Variants in INSL6 observed in about 807,000 individuals in gnomAD.
The protein encoded by INSL6 is insulin-like peptide INSL6.
INSL6 carries 16 observed loss-of-function variants against 9.4 expected under a neutral mutation model. That is an observed-to-expected ratio of 1.70 (90% CI 1.15 to 2.59). The LOEUF is 2.59. Among genes scored for constraint, INSL6 ranks in the 30% most tolerant of loss-of-function variants. INSL6 has a pLI of 0.00. For missense variants in INSL6, 391 were observed against 257.3 expected (o/e 1.52, Z -3.56); for synonymous variants, 154 against 96.9 (o/e 1.59, Z -3.46).
chr9:5,025,129 T>G, the INSL6 span, among the ~76,000 whole-genome samples: 2 of 152,178 alleles, frequency 1.3e-5, no homozygotes, highest in Admixed American at 1.3e-4. Context: ...ATTCTGACAG[T>G]TTTTACTCAT....
chr9:5,054,934 A>C, the INSL6 span: 18 of 1,309,796 alleles, frequency 1.4e-5, no homozygotes, highest in African/African-American at 2.7e-4. This position sits in a 1 kb window ranked among gnomAD's most constrained non-coding sequence, Gnocchi z 4.9. Context: ...AGTACAATGG[A>C]AATAAAAACA....
At chr9:5,146,863 G>A (rs1280175617) in intron 2 of INSL6, among the ~76,000 whole-genome samples, 1 of 152,160 alleles carries the variant, frequency 6.6e-6, no homozygotes, top group African/African-American at 2.4e-5. Context: ...AGTCAGGCAT[G>A]GTCCACTGGT....
chr9:5,103,490 C>A, the INSL6 span, among the ~76,000 whole-genome samples: 3 of 152,202 alleles, frequency 2.0e-5, no homozygotes, highest in East Asian at 5.8e-4. Context: ...TAACACCTCT[C>A]TGTCAATAAT....
At chr9:5,067,649 CA>C in the INSL6 span, among the ~76,000 whole-genome samples, 2 of 151,084 alleles carry the variant, frequency 1.3e-5, no homozygotes, top group South Asian at 4.2e-4. Flanking sequence ...AGTATGAATT[CA>C]AAAAAATATA....
At chr9:5,054,558 C>T in the INSL6 span, 20 of 1,537,950 alleles carry the variant, frequency 1.3e-5, no homozygotes, top group South Asian at 5.0e-5. The surrounding 1 kb of genome is among the most constrained non-coding windows in gnomAD (Gnocchi z 4.9). Flanking sequence ...CTTTTTTATC[C>T]CTAGCTACAA....
At chr9:5,151,164 A>C (rs1171264595) in intron 2 of INSL6, among the ~76,000 whole-genome samples, 1 of 152,178 alleles carries the variant, frequency 6.6e-6, no homozygotes, top group Non-Finnish European at 1.5e-5. Context: ...GTGATACCAA[A>C]GGCCCAGACT....
the INSL6 span, among the ~76,000 whole-genome samples, chr9:5,074,536 C>G: frequency 5.3e-5 from 8 of 152,062 alleles, no homozygotes; most frequent in Non-Finnish European, 1.0e-4. Flanking sequence ...TGGGGTGTCC[C>G]AAACAGAGAG....
the INSL6 span, among the ~76,000 whole-genome samples, chr9:5,021,626 T>G: frequency 6.6e-6 from 1 of 152,144 alleles, no homozygotes; most frequent in Admixed American, 6.5e-5. Context: ...TAACTTTATT[T>G]ATTTATGTAT....
At chr9:5,057,340 A>C in the INSL6 span, among the ~76,000 whole-genome samples, 1 of 151,914 alleles carries the variant, frequency 6.6e-6, no homozygotes, top group Non-Finnish European at 1.5e-5. Context: ...TTTTGTTTTT[A>C]CTGTCATTTT....
chr9:5,041,141 C>A, the INSL6 span: 1 of 1,053,116 alleles, frequency 9.5e-7, no homozygotes, highest in Non-Finnish European at 1.4e-6. Flanking sequence ...GATCGCCATC[C>A]GGCTGATCAC....
At chr9:5,156,600 G>A (rs1824818328) in intron 2 of INSL6, among the ~76,000 whole-genome samples, 1 of 152,124 alleles carries the variant, frequency 6.6e-6, no homozygotes, top group Non-Finnish European at 1.5e-5. Flanking sequence ...TAGATAAAAT[G>A]TATCTACAAA....
At chr9:5,018,795 C>T in the INSL6 span, among the ~76,000 whole-genome samples, 2 of 152,226 alleles carry the variant, frequency 1.3e-5, no homozygotes, top group Non-Finnish European at 2.9e-5. Flanking sequence ...GTATCCTTGA[C>T]TTGCAGGTTT....
the INSL6 span, chr9:5,114,475 G>T: frequency 6.4e-6 from 3 of 467,652 alleles, no homozygotes; most frequent in African/African-American, 2.0e-5. Flanking sequence ...ACCAAGATCA[G>T]CGGCCCATGT....
chr9:5,131,478 T>C (rs561038601), intron 3 of INSL6, among the ~76,000 whole-genome samples: 5 of 146,306 alleles, frequency 3.4e-5, no homozygotes, highest in South Asian at 4.3e-4. Flanking sequence ...GCTCTTGTCG[T>C]CCAGGCTGGA....
At chr9:5,149,700 G>A (rs1466078261) in intron 2 of INSL6, among the ~76,000 whole-genome samples, 6 of 12,454 alleles carry the variant, frequency 4.8e-4, no homozygotes, top group South Asian at 8.6e-3. Context: ...TATCAAAATA[G>A]CAATGTCATT....
the INSL6 span, among the ~76,000 whole-genome samples, chr9:5,015,700 G>A: frequency 6.6e-6 from 1 of 152,102 alleles, no homozygotes; most frequent in African/African-American, 2.4e-5. Flanking sequence ...AAGCCAATTC[G>A]AGTCACTTAT....
the INSL6 span, among the ~76,000 whole-genome samples, chr9:5,058,817 T>C: frequency 6.6e-6 from 1 of 152,238 alleles, no homozygotes; most frequent in African/African-American, 2.4e-5. Context: ...TTCATATATG[T>C]ATTGCCATTT....
At chr9:5,061,173 C>G in the INSL6 span, among the ~76,000 whole-genome samples, 1 of 152,206 alleles carries the variant, frequency 6.6e-6, no homozygotes, top group Non-Finnish European at 1.5e-5. Flanking sequence ...GCATAATTCG[C>G]AGAGCCCTGG....
chr9:5,032,934 G>A, the INSL6 span, among the ~76,000 whole-genome samples: 2 of 152,094 alleles, frequency 1.3e-5, no homozygotes, highest in Non-Finnish European at 2.9e-5. Flanking sequence ...GGCTTCAGAC[G>A]ATCAAACTAC....
Sources: gnomAD v4.1 joint callset for allele counts (sites outside exome capture counted in the v4.1 genomes callset) on GRCh38, gnomAD v4.1.1 for gene constraint, Gnocchi (gnomAD v3.1) non-coding constraint, MANE v1.5 for transcripts, NCBI Gene and HGNC (gene_info 2026-07-23, HGNC 2026-07-21) for gene names.